RRAS2: variants seen among roughly 807,000 people sequenced by gnomAD.
RRAS2 encodes the protein ras-related protein R-Ras2.
Under a neutral mutation model 27.6 loss-of-function variants are expected in RRAS2, and 7 were observed. The ratio of observed to expected loss-of-function variants is 0.25; its 90% CI spans 0.14 to 0.48. RRAS2 has a LOEUF of 0.48. Ranked by LOEUF, RRAS2 falls within the 20% of genes least tolerant of loss-of-function variation. The pLI, the probability that RRAS2 is intolerant of heterozygous loss-of-function variation, is 0.99. For synonymous variants in RRAS2, 86 were observed against 90.9 expected (o/e 0.95, Z 0.31); for missense variants, 178 against 256.2 (o/e 0.69, Z 2.08).
intron 1 of RRAS2, among the ~76,000 whole-genome samples, chr11:14,327,581 AC>A (rs1162709719): frequency 5.9e-5 from 9 of 152,048 alleles, no homozygotes; most frequent in African/African-American, 2.2e-4. Flanking sequence ...ATCTTTCTCT[AC>A]CCCCCTTTCT....
intron 1 of RRAS2, among the ~76,000 whole-genome samples, chr11:14,309,551 T>C (rs1554948562): frequency 6.6e-6 from 1 of 152,190 alleles, no homozygotes. Flanking sequence ...GGGGAGGATA[T>C]GATACTGCAT....
intron 1 of RRAS2, among the ~76,000 whole-genome samples, chr11:14,340,706 A>G (rs1848687567): frequency 6.6e-6 from 1 of 152,196 alleles, no homozygotes. Context: ...AGGATCCCCA[A>G]TTTACACCAT....
chr11:14,332,392 T>C (rs1848498299), intron 1 of RRAS2, among the ~76,000 whole-genome samples: 1 of 152,142 alleles, frequency 6.6e-6, no homozygotes, highest in Non-Finnish European at 1.5e-5. Context: ...TCCCAGCTAC[T>C]TGGGAGGCTG....
In RRAS2 at chr11:14,335,798, T is replaced by C. The variant is rs537476319; in HGVS notation, c.108+22965A>G. Among the ~76,000 whole-genome samples the C allele has an allele frequency of 1.1e-3, 172 of 152,030 alleles. 1 individual carries two copies. Among genetic ancestry groups the C allele is most frequent in the African/African-American group, 3.9e-3 (161 of 41,454 alleles). ...TACAACATATATCCCAGAGTTGGAGTTGAAAAAGCCAGCAACATGGAAATG... is the reference window on the plus strand; with the variant it reads ...TACAACATATATCCCAGAGTTGGAGCTGAAAAAGCCAGCAACATGGAAATG... On this transcript the variant is annotated intron_variant, in intron 1 of 5. Coordinates refer to ENST00000256196, the MANE Select transcript of RRAS2 (RefSeq NM_012250.6).
At chr11:14,338,514 T>C (rs979302907) in intron 1 of RRAS2, among the ~76,000 whole-genome samples, 7 of 152,344 alleles carry the variant, frequency 4.6e-5, no homozygotes, top group Non-Finnish European at 7.3e-5. Flanking sequence ...ATTCTGTTCA[T>C]GAAACAAAGT....
chr11:14,325,521 G>C (rs182180609), intron 1 of RRAS2, among the ~76,000 whole-genome samples: 7 of 151,988 alleles, frequency 4.6e-5, no homozygotes, highest in Non-Finnish European at 8.8e-5. Context: ...GAATGGTCTC[G>C]ATCTCCTGAC....
intron 5 of RRAS2, among the ~76,000 whole-genome samples, chr11:14,281,284 GT>G (rs1404380095): frequency 6.6e-6 from 1 of 152,144 alleles, no homozygotes; most frequent in Non-Finnish European, 1.5e-5. Flanking sequence ...AGGATTACAT[GT>G]AATAATACAC....
intron 1 of RRAS2, among the ~76,000 whole-genome samples, chr11:14,355,301 T>G (rs1849049279): frequency 6.6e-6 from 1 of 152,080 alleles, no homozygotes; most frequent in Admixed American, 6.6e-5. Flanking sequence ...TAGAGAGACA[T>G]AGACCCCACA....
intron 1 of RRAS2, among the ~76,000 whole-genome samples, chr11:14,316,991 G>A (rs1326850941): frequency 1.3e-5 from 2 of 152,168 alleles, no homozygotes; most frequent in Non-Finnish European, 2.9e-5. Context: ...ATTAGAAAAT[G>A]CACCTAATTA....
At chr11:14,293,716 T>C (rs1181549934) in intron 4 of RRAS2, among the ~76,000 whole-genome samples, 1 of 152,196 alleles carries the variant, frequency 6.6e-6, no homozygotes, top group Non-Finnish European at 1.5e-5. Context: ...GTGAGTCCAT[T>C]AAACCTCTTT....
intron 1 of RRAS2, 34 bp from the exon 2 acceptor site, chr11:14,295,889 C>T (rs1182873263): frequency 3.2e-6 from 5 of 1,582,398 alleles, no homozygotes; most frequent in Non-Finnish European, 4.3e-6. Context: ...TTTTAAAATT[C>T]ATGGCCAGGC....
intron 1 of RRAS2, among the ~76,000 whole-genome samples, chr11:14,350,479 C>T (rs1453494725): frequency 2.0e-5 from 3 of 152,114 alleles, no homozygotes; most frequent in African/African-American, 7.2e-5. Context: ...TGAATGGAAG[C>T]TTCCTTACAC....
intron 1 of RRAS2, among the ~76,000 whole-genome samples, chr11:14,309,098 C>A (rs187465297): frequency 7.9e-5 from 12 of 152,066 alleles, no homozygotes; most frequent in South Asian, 4.1e-4. Context: ...GTAACCAACT[C>A]ACTTCTAGTT....
At chr11:14,349,511 C>G (rs566086270) in intron 1 of RRAS2, among the ~76,000 whole-genome samples, 1 of 152,234 alleles carries the variant, frequency 6.6e-6, no homozygotes, top group African/African-American at 2.4e-5. Context: ...ATCTGCAATT[C>G]CAATCAAACA....
chr11:14,352,777 AGAGG>A (rs1848989431), intron 1 of RRAS2, among the ~76,000 whole-genome samples: 2 of 148,668 alleles, frequency 1.3e-5, no homozygotes, highest in South Asian at 4.3e-4. Flanking sequence ...AGAGAGAGAG[AGAGG>A]GAGAGAGAGA....
chr11:14,292,637 T>C (rs1847431331), intron 4 of RRAS2, among the ~76,000 whole-genome samples: 1 of 152,184 alleles, frequency 6.6e-6, no homozygotes, highest in Non-Finnish European at 1.5e-5. Flanking sequence ...GCTAGGTTTA[T>C]AATGTAAGCA....
chr11:14,304,283 C>T (rs529709447), intron 1 of RRAS2, among the ~76,000 whole-genome samples: 1 of 152,324 alleles, frequency 6.6e-6, no homozygotes, highest in South Asian at 2.1e-4. Context: ...TTCTCCTCTC[C>T]TCCACTACGT....
chr11:14,350,497 A>G lies in RRAS2; in HGVS notation c.108+8266T>C, dbSNP rs566356570. Among the ~76,000 whole-genome samples, 88 of 152,218 alleles carry G rather than the reference A, an allele frequency of 5.8e-4. 1 individual carries two copies. The highest frequency in any genetic ancestry group is 2.0e-3 in the African/African-American group (84 of 41,528). On this transcript the variant is annotated intron_variant, in intron 1 of 5. Transcript: ENST00000256196. ...ATGGAAGCTTCCTTACACCCTCACCAGAAGCAGATGCTAGTACTGTGCTTC... is the reference window on the plus strand; with the variant it reads ...ATGGAAGCTTCCTTACACCCTCACCGGAAGCAGATGCTAGTACTGTGCTTC...
chr11:14,355,702 T>C (rs1849057071), intron 1 of RRAS2, among the ~76,000 whole-genome samples: 1 of 152,166 alleles, frequency 6.6e-6, no homozygotes, highest in Non-Finnish European at 1.5e-5. Context: ...CAAAATCACA[T>C]AGTAGAAAAT....
Sources: gnomAD v4.1 joint callset for allele counts (sites outside exome capture counted in the v4.1 genomes callset) on GRCh38, gnomAD v4.1.1 for gene constraint, MANE v1.5 for transcripts, NCBI Gene and HGNC (gene_info 2026-07-23, HGNC 2026-07-21) for gene names.